GNG12: variants seen among roughly 807,000 people sequenced by gnomAD.
GNG12 encodes the protein G protein subunit gamma 12.
For missense variants in GNG12, 69 were observed against 83.8 expected, an observed-to-expected ratio of 0.82 and a Z score of 0.69; for synonymous variants, 28 against 29.7, an observed-to-expected ratio of 0.94 and a Z score of 0.19.
chr1:67,718,374 G>T (rs1486377143), intron 2 of GNG12, among the ~76,000 whole-genome samples: 1 of 151,516 alleles, frequency 6.6e-6, no homozygotes, highest in East Asian at 1.9e-4. Context: ...AAAAAAAAGT[G>T]AAATTAATTT....
chr1:67,759,316 T>C (rs1233885899), intron 2 of GNG12, among the ~76,000 whole-genome samples: 2 of 152,348 alleles, frequency 1.3e-5, no homozygotes, highest in East Asian at 3.9e-4. Flanking sequence ...CAGTCTTCTC[T>C]GTGTTGGCTA....
intron 1 of GNG12, among the ~76,000 whole-genome samples, chr1:67,813,145 T>C (rs1430050074): frequency 6.8e-6 from 1 of 147,558 alleles, no homozygotes; most frequent in East Asian, 2.0e-4. Context: ...CTTTATCAAA[T>C]TAGATCAAGA....
At chr1:67,741,891 G>A (rs1292017199) in intron 2 of GNG12, among the ~76,000 whole-genome samples, 1 of 152,148 alleles carries the variant, frequency 6.6e-6, no homozygotes, top group Non-Finnish European at 1.5e-5. Flanking sequence ...ACATTCCCAT[G>A]TGGCTGCTCA....
At position 67,710,104 on chromosome 1, in the gene GNG12, ATATATATAGTTATATATATAGT is replaced by A. The variant is rs1557592235; in HGVS notation, c.-26-2414_-26-2393del. 3.2e-3 allele frequency among the ~76,000 whole-genome samples: 97 copies of A among 30,732 alleles called. 6 individuals are homozygous for A. The highest frequency in any genetic ancestry group is 6.4e-3 in the South Asian group (6 of 944). 20.2% of individuals were successfully genotyped at this position (30,732 alleles called of 152,430 possible). A position where few individuals can be genotyped will look rare whatever the true frequency, so the allele number is the denominator to read the frequency against. The stretch of plus-strand genomic sequence containing the variant: ...TATATATATAGTTATATATATAGTT[ATATATATAGTTATATATATAGT>A]TATATATATAGTTATATATATATAG... On this transcript the variant is annotated intron_variant, in intron 2 of 3. Transcript: ENST00000370982.
intron 1 of GNG12, among the ~76,000 whole-genome samples, chr1:67,803,586 T>G (rs1209476028): frequency 6.6e-6 from 1 of 152,138 alleles, no homozygotes; most frequent in African/African-American, 2.4e-5. Context: ...CTATAATGAG[T>G]GTGTACAACA....
At chr1:67,710,245 T>C (rs1287221892) in intron 2 of GNG12, among the ~76,000 whole-genome samples, 1 of 121,572 alleles carries the variant, frequency 8.2e-6, no homozygotes, top group Non-Finnish European at 1.6e-5. Context: ...TATATATAGT[T>C]ATATATATAT....
chr1:67,786,973 GTGTGTGTGTGTGTATGTA>G (rs1217207537), intron 1 of GNG12, among the ~76,000 whole-genome samples: 8 of 135,986 alleles, frequency 5.9e-5, no homozygotes, highest in African/African-American at 2.3e-4. Flanking sequence ...GTGTGTGTGT[GTGTGTGTGTGTGTATGTA>G]TATATATGTG....
intron 2 of GNG12, among the ~76,000 whole-genome samples, chr1:67,741,335 T>A (rs150183550): frequency 0.012 from 1,891 of 152,336 alleles, 14 homozygotes; most frequent in Non-Finnish European, 0.021. Flanking sequence ...TTGTGTAAGG[T>A]CACTGACATG....
intron 2 of GNG12, among the ~76,000 whole-genome samples, chr1:67,767,316 G>C (rs373976333): frequency 1.3e-5 from 2 of 152,152 alleles, no homozygotes; most frequent in African/African-American, 4.8e-5. Context: ...GGTTCAGCAC[G>C]ACAGGGCCTG....
At chr1:67,760,961 T>A (rs1646599780) in intron 2 of GNG12, among the ~76,000 whole-genome samples, 1 of 152,238 alleles carries the variant, frequency 6.6e-6, no homozygotes, top group African/African-American at 2.4e-5. Flanking sequence ...GCGATTATTA[T>A]TCTTGCTTTG....
intron 2 of GNG12, among the ~76,000 whole-genome samples, chr1:67,710,325 C>A (rs1235586302): frequency 1.4e-5 from 2 of 147,356 alleles, no homozygotes; most frequent in African/African-American, 5.0e-5. Context: ...CCCCAGAATG[C>A]GAACATGACA....
chr1:67,789,875 C>T (rs996340267), intron 1 of GNG12, among the ~76,000 whole-genome samples: 1 of 152,196 alleles, frequency 6.6e-6, no homozygotes, highest in African/African-American at 2.4e-5. Flanking sequence ...TGCACATTCA[C>T]AGATGTGTGA....
At chr1:67,810,724 A>G (rs1255285351) in intron 1 of GNG12, among the ~76,000 whole-genome samples, 1 of 152,202 alleles carries the variant, frequency 6.6e-6, no homozygotes, top group Non-Finnish European at 1.5e-5. Context: ...CAGGTCTACA[A>G]GGAAGGTGAG....
rs138659658 is a variant in GNG12 at position 67,725,116 on chromosome 1, C to T, written c.-26-17404G>A. On this transcript the variant is annotated intron_variant, in intron 2 of 3. Coordinates refer to ENST00000370982, the MANE Select transcript of GNG12 (RefSeq NM_018841.6). ...GGATTAAAAAAGCCACAATCTGGGC[C>T]CTCTGCCCATTTCACACAATGCTCA... is the stretch of plus-strand genomic sequence containing the variant. Among the ~76,000 whole-genome samples the T allele has an allele frequency of 8.8e-4, 134 of 152,204 alleles. 3 individuals are homozygous for T. The highest frequency in any genetic ancestry group is 2.9e-3 in the African/African-American group (119 of 41,532).
intron 2 of GNG12, among the ~76,000 whole-genome samples, chr1:67,730,977 A>G (rs1423198683): frequency 1.3e-5 from 2 of 152,218 alleles, no homozygotes; most frequent in Non-Finnish European, 2.9e-5. Context: ...ATTCCATAGC[A>G]TTCATCCAGA....
intron 1 of GNG12, among the ~76,000 whole-genome samples, chr1:67,821,101 G>A (rs946862231): frequency 6.6e-6 from 1 of 152,168 alleles, no homozygotes; most frequent in Non-Finnish European, 1.5e-5. Context: ...TAAGATCCCT[G>A]ATAATTGGAA....
In GNG12 at chr1:67,707,591, T is replaced by G; in HGVS notation, c.93+3A>C. On this transcript the variant is annotated splice_donor_region_variant and intron_variant, in intron 3 of 3. Transcript: ENST00000370982. ...CATATGTTATCCAGTCGGGGCTTCT[T>G]ACCTTTATTCTTTCAATGGAGGCTT... 5 of 1,505,720 alleles carry G rather than the reference T, an allele frequency of 3.3e-6. No individual in the cohort carries two copies. The highest frequency in any genetic ancestry group is 3.7e-6 in the Non-Finnish European group (4 of 1,086,562). 93.3% of individuals were successfully genotyped at this position (1,505,720 alleles called of 1,614,324 possible).
intron 2 of GNG12, among the ~76,000 whole-genome samples, chr1:67,749,738 A>T (rs1646527710): frequency 6.6e-6 from 1 of 152,196 alleles, no homozygotes; most frequent in Admixed American, 6.5e-5. Context: ...GGCTATCGGC[A>T]TTCCCAGTGG....
chr1:67,745,957 T>C (rs967825272), intron 2 of GNG12, among the ~76,000 whole-genome samples: 4 of 152,158 alleles, frequency 2.6e-5, no homozygotes, highest in Non-Finnish European at 5.9e-5. Context: ...GTGGAAAGTA[T>C]GAATACATGA....
Sources: gnomAD v4.1 joint callset for allele counts (sites outside exome capture counted in the v4.1 genomes callset) on GRCh38, gnomAD v4.1.1 for gene constraint, MANE v1.5 for transcripts, NCBI Gene and HGNC (gene_info 2026-07-23, HGNC 2026-07-21) for gene names.